RGS7: variants seen among roughly 807,000 people sequenced by gnomAD.
RGS7 encodes the protein regulator of G protein signaling 7, also known as regulator of G-protein signaling 7.
RGS7 carries 27 observed loss-of-function variants against 81.1 expected under a neutral mutation model. The observed-to-expected ratio is 0.33, with a 90% CI of 0.25 to 0.46. The LOEUF is 0.46. RGS7 is among the 20% of genes least tolerant of loss of function. The pLI, the probability that RGS7 is intolerant of heterozygous loss-of-function variation, is 1.00. For synonymous variants in RGS7, 208 were observed against 207.7 expected (o/e 1.00, Z -0.01); for missense variants, 396 against 607.4 (o/e 0.65, Z 3.66).
chr1:240,860,895 A>C (rs1297622196), intron 9 of RGS7, among the ~76,000 whole-genome samples: 8 of 152,114 alleles, frequency 5.3e-5, no homozygotes, highest in Non-Finnish European at 8.8e-5. Context: ...ATGTCATCAC[A>C]CTCAGCATGC....
At chr1:241,307,271 T>C (rs188474509) in intron 2 of RGS7, among the ~76,000 whole-genome samples, 124 of 152,306 alleles carry the variant, frequency 8.1e-4, no homozygotes, top group East Asian at 7.7e-4. Context: ...ATTTAAGTGT[T>C]TGAAGAAAAA....
intron 2 of RGS7, among the ~76,000 whole-genome samples, chr1:241,147,543 TCCTTCTC>T (rs1264998457): frequency 3.3e-5 from 5 of 151,950 alleles, no homozygotes; most frequent in Admixed American, 2.6e-4. Context: ...GTATAGTTTT[TCCTTCTC>T]CATATTTTAT....
intron 4 of RGS7, among the ~76,000 whole-genome samples, chr1:240,965,531 C>T (rs756767013): frequency 2.0e-5 from 3 of 152,122 alleles, no homozygotes; most frequent in Non-Finnish European, 4.4e-5. Flanking sequence ...GTAAAGCAGA[C>T]GAATATTTGA....
At chr1:240,997,032 C>T (rs1687398642) in intron 3 of RGS7, among the ~76,000 whole-genome samples, 1 of 152,170 alleles carries the variant, frequency 6.6e-6, no homozygotes, top group Non-Finnish European at 1.5e-5. Context: ...TCACTGCAGC[C>T]TCAGCCTCCT....
At chr1:240,803,316 C>T (rs1461626723) in intron 15 of RGS7, among the ~76,000 whole-genome samples, 10 of 152,088 alleles carry the variant, frequency 6.6e-5, no homozygotes, top group African/African-American at 1.7e-4. Context: ...GAGAATATAA[C>T]TAAATTTGCT....
intron 2 of RGS7, among the ~76,000 whole-genome samples, chr1:241,238,999 C>T (rs2076133636): frequency 1.5e-5 from 2 of 129,340 alleles, no homozygotes; most frequent in African/African-American, 3.0e-5. Flanking sequence ...GATACAGTCT[C>T]GCTCTGTTGC....
At chr1:240,817,841 G>A (rs186009976) in intron 10 of RGS7, among the ~76,000 whole-genome samples, 4 of 152,200 alleles carry the variant, frequency 2.6e-5, no homozygotes, top group Admixed American at 6.5e-5. Flanking sequence ...GACCTCAGGC[G>A]ACCCATCCGC....
At chr1:241,249,561 T>C (rs927082118) in intron 2 of RGS7, among the ~76,000 whole-genome samples, 1 of 152,180 alleles carries the variant, frequency 6.6e-6, no homozygotes, top group African/African-American at 2.4e-5. Flanking sequence ...ACCTTTTTCA[T>C]TTCCATATAA....
At chr1:240,827,788 C>G (rs1190966683) in intron 9 of RGS7, among the ~76,000 whole-genome samples, 2 of 135,548 alleles carry the variant, frequency 1.5e-5, no homozygotes, top group African/African-American at 5.6e-5. Context: ...CACTTGAACC[C>G]GGGAGGTGGA....
chr1:241,033,798 G>A (rs1329267165), intron 3 of RGS7, among the ~76,000 whole-genome samples: 1 of 152,138 alleles, frequency 6.6e-6, no homozygotes, highest in Admixed American at 6.5e-5. Flanking sequence ...TTTTACCAAA[G>A]TGCCACCTAA....
intron 2 of RGS7, among the ~76,000 whole-genome samples, chr1:241,342,245 G>A (rs369107563): frequency 7.2e-5 from 11 of 152,094 alleles, no homozygotes; most frequent in Middle Eastern, 3.4e-3. Flanking sequence ...GAGAAAGAGC[G>A]AATATCATAA....
chr1:240,784,468 G>A (rs1438449019), intron 18 of RGS7, among the ~76,000 whole-genome samples: 4 of 150,870 alleles, frequency 2.7e-5, no homozygotes, highest in African/African-American at 4.9e-5. Flanking sequence ...GTGAAACCTC[G>A]TCTCTACAAA....
chr1:241,091,126 G>A (rs1282543566), intron 3 of RGS7, among the ~76,000 whole-genome samples: 3 of 152,058 alleles, frequency 2.0e-5, no homozygotes, highest in Non-Finnish European at 4.4e-5. Context: ...ATGGAGAAAA[G>A]CAATCATTAC....
chr1:240,899,842 G>C (rs1418000544), intron 6 of RGS7, among the ~76,000 whole-genome samples: 1 of 152,146 alleles, frequency 6.6e-6, no homozygotes, highest in African/African-American at 2.4e-5. Flanking sequence ...TGCCTTGCTA[G>C]GTAGGTGAAG....
At chr1:240,889,506 C>A (rs1004369852) in intron 6 of RGS7, among the ~76,000 whole-genome samples, 1 of 152,078 alleles carries the variant, frequency 6.6e-6, no homozygotes, top group African/African-American at 2.4e-5. Flanking sequence ...GGTTCGCTAT[C>A]GCAATGGAAA....
At chr1:240,960,489 G>A (rs1042098281) in intron 4 of RGS7, among the ~76,000 whole-genome samples, 12 of 149,350 alleles carry the variant, frequency 8.0e-5, no homozygotes, top group African/African-American at 2.5e-4. Context: ...TGATCTTCCC[G>A]CCTCAGCCTT....
At chr1:241,141,857 A>AGTCTC (rs1466622136) in intron 2 of RGS7, among the ~76,000 whole-genome samples, 1 of 152,188 alleles carries the variant, frequency 6.6e-6, no homozygotes, top group Non-Finnish European at 1.5e-5. Flanking sequence ...CACAGTCCAA[A>AGTCTC]GTCTCATCTG....
At chr1:241,054,846 A>G (rs1456389139) in intron 3 of RGS7, among the ~76,000 whole-genome samples, 2 of 152,174 alleles carry the variant, frequency 1.3e-5, no homozygotes, top group African/African-American at 4.8e-5. Flanking sequence ...CCTGACCAAC[A>G]AGTAGAGTTA....
intron 2 of RGS7, among the ~76,000 whole-genome samples, chr1:241,137,939 G>A (rs2067640012): frequency 6.6e-6 from 1 of 152,164 alleles, no homozygotes; most frequent in Admixed American, 6.5e-5. Flanking sequence ...GGAAGGCTGA[G>A]GCGGGCAGAT....
Sources: allele counts gnomAD v4.1 joint callset (sites outside exome capture counted in the v4.1 genomes callset), GRCh38; gene constraint gnomAD v4.1.1; transcripts MANE v1.5; gene names NCBI Gene and HGNC (gene_info 2026-07-23, HGNC 2026-07-21).